EGFR: variants seen among roughly 807,000 people sequenced by gnomAD.
EGFR encodes the protein avian erythroblastic leukemia viral (v-erb-b) oncogene homolog.
EGFR carries 58 observed loss-of-function variants against 143.0 expected under a neutral mutation model. The observed-to-expected ratio is 0.41, with a 90% CI of 0.33 to 0.50. The LOEUF (loss-of-function observed/expected upper bound fraction) is 0.50, where lower values mean the gene tolerates loss of function less well. Among genes scored for constraint, EGFR ranks in the 20% least tolerant of loss-of-function variants. The pLI is 0.39. For missense variants in EGFR, 1,307 were observed against 1,579.0 expected, an observed-to-expected ratio of 0.83 and a Z score of 2.92; for synonymous variants, 613 against 594.4, an observed-to-expected ratio of 1.03 and a Z score of -0.45.
At chr7:55,170,258 C>A in intron 15 of EGFR, 1 of 1,613,558 alleles carries the variant, frequency 6.2e-7, no homozygotes, top group Non-Finnish European at 8.5e-7. Context: ...TACACCAGGG[C>A]TCCCCAGGCC....
intron 1 of EGFR, among the ~76,000 whole-genome samples, chr7:55,052,422 G>A (rs371105202): frequency 1.3e-5 from 2 of 152,178 alleles, no homozygotes; most frequent in Non-Finnish European, 2.9e-5. Context: ...CCACTTTAGA[G>A]CCCTTCTGTT....
At chr7:55,054,204 G>A (rs1299962599) in intron 1 of EGFR, among the ~76,000 whole-genome samples, 2 of 152,172 alleles carry the variant, frequency 1.3e-5, no homozygotes, top group African/African-American at 2.4e-5. Context: ...GGCACTGCAC[G>A]CTTCGCTCCC....
chr7:55,187,284 C>T (rs139733300), intron 20 of EGFR, among the ~76,000 whole-genome samples: 16 of 125,634 alleles, frequency 1.3e-4, no homozygotes, highest in Non-Finnish European at 2.7e-4. Context: ...AGCACCTACC[C>T]GGGACTCTCC....
At chr7:55,155,978 T>A (rs2128937677) in intron 8 of EGFR, 32 bp downstream of exon 8, 1 of 1,531,800 alleles carries the variant, frequency 6.5e-7, no homozygotes, top group Non-Finnish European at 9.0e-7. Context: ...GGACGAGGCT[T>A]GTTCTCGGCT....
intron 1 of EGFR, among the ~76,000 whole-genome samples, chr7:55,025,818 G>A (rs539447195): frequency 6.6e-6 from 1 of 152,308 alleles, no homozygotes; most frequent in East Asian, 1.9e-4. Flanking sequence ...ATTAGTTGCA[G>A]TTATCAGCAA....
At chr7:55,060,394 T>C (rs1210376100) in intron 1 of EGFR, among the ~76,000 whole-genome samples, 1 of 152,246 alleles carries the variant, frequency 6.6e-6, no homozygotes, top group Admixed American at 6.5e-5. Flanking sequence ...AATCGCTGGA[T>C]TCTTGTGGTA....
rs1281578598 is a variant in EGFR, at chr7:55,165,315, T to G, written c.1758T>G (p.Ile586Met). 1 of 1,614,164 alleles carries G rather than the reference T, an allele frequency of 6.2e-7. No homozygotes were observed. The highest frequency in any genetic ancestry group is 1.3e-5 in the African/African-American group (1 of 75,026). The change falls in exon 15 of 28, where the codon ATT (isoleucine) becomes ATG (methionine). Residue 586 changes from isoleucine (I) to methionine (M), a missense_variant. Physicochemically the swap from Ile to Met is conservative, Grantham distance 10. Around this residue, in one of 7 missense-constraint regions of EGFR, gnomAD observed 250 missense variants for 295.1 expected, o/e 0.85. Coordinates refer to ENST00000275493, the MANE Select transcript of EGFR (RefSeq NM_005228.5). Reference protein sequence around the residue: ...PDNCIQCAHYIDGPHCVKTCP... With the variant: ...PDNCIQCAHYMDGPHCVKTCP... Reference sequence around the variant, plus strand: ...ACTGTATCCAGTGTGCCCACTACATTGACGGCCCCCACTGCGTCAAGACCT... The same window carrying G: ...ACTGTATCCAGTGTGCCCACTACATGGACGGCCCCCACTGCGTCAAGACCT...
At chr7:55,184,726 G>T (rs933666140) in intron 20 of EGFR, among the ~76,000 whole-genome samples, 2 of 152,118 alleles carry the variant, frequency 1.3e-5, no homozygotes, top group African/African-American at 4.8e-5. Flanking sequence ...TTAACGCTTT[G>T]TCTCTGTTAG....
At chr7:55,184,110 T>C (rs1787021472) in intron 20 of EGFR, among the ~76,000 whole-genome samples, 1 of 152,252 alleles carries the variant, frequency 6.6e-6, no homozygotes, top group African/African-American at 2.4e-5. Context: ...TGCTGGCCTG[T>C]CTGCGCCTCG....
intron 1 of EGFR, among the ~76,000 whole-genome samples, chr7:55,099,523 G>C (rs1562713165): frequency 6.6e-6 from 1 of 152,218 alleles, no homozygotes; most frequent in Non-Finnish European, 1.5e-5. Context: ...AGATGGAGGG[G>C]GGAATTCGGG....
At chr7:55,076,690 C>T (rs761189338) in intron 1 of EGFR, among the ~76,000 whole-genome samples, 1 of 152,176 alleles carries the variant, frequency 6.6e-6, no homozygotes, top group Non-Finnish European at 1.5e-5. Flanking sequence ...CCCACCCCCA[C>T]TGAGGAATAC....
intron 1 of EGFR, among the ~76,000 whole-genome samples, chr7:55,134,979 C>T (rs1020828229): frequency 5.9e-5 from 9 of 152,156 alleles, no homozygotes; most frequent in Non-Finnish European, 8.8e-5. Flanking sequence ...TAGAGATCAT[C>T]CCATAATGGT....
chr7:55,069,166 T>C (rs2128882800), intron 1 of EGFR, among the ~76,000 whole-genome samples: 1 of 152,290 alleles, frequency 6.6e-6, no homozygotes, highest in African/African-American at 2.4e-5. Context: ...ACCTAGCAAA[T>C]GCTCTATGGT....
intron 1 of EGFR, among the ~76,000 whole-genome samples, chr7:55,043,650 C>T (rs1440676096): frequency 2.0e-5 from 3 of 152,158 alleles, no homozygotes; most frequent in Non-Finnish European, 2.9e-5. Context: ...AGGTGTGAGC[C>T]ACCGTGCCCA....
At position 55,132,048 on chromosome 7, in the gene EGFR, G is replaced by T. The variant is rs561032920; in HGVS notation, c.89-10238G>T. Among the ~76,000 whole-genome samples the T allele has an allele frequency of 2.6e-4, 39 of 151,346 alleles. No homozygotes were observed. In the South Asian group the frequency reaches 7.7e-3, roughly 30 times the overall value. On this transcript the variant is annotated intron_variant, in intron 1 of 27. Transcript: ENST00000275493. ...GTTGTCTTTTTTTTTTTGAAAGAGGGGCTTTTATGCTTTTTTCCTAATGTT... is the reference window on the plus strand; with the variant it reads ...GTTGTCTTTTTTTTTTTGAAAGAGGTGCTTTTATGCTTTTTTCCTAATGTT...
chr7:55,178,072 C>T (rs751722978), intron 19 of EGFR, among the ~76,000 whole-genome samples: 3 of 152,214 alleles, frequency 2.0e-5, no homozygotes, highest in Non-Finnish European at 4.4e-5. Flanking sequence ...CGCTCTGCTC[C>T]CCATTCCCAG....
intron 1 of EGFR, among the ~76,000 whole-genome samples, chr7:55,027,987 AAAAAATATATAT>A (rs1207560765): frequency 6.3e-5 from 5 of 79,132 alleles, no homozygotes; most frequent in African/African-American, 5.2e-5. Flanking sequence ...AAAAAAAAAA[AAAAAATATATAT>A]ATATATATAT....
chr7:55,144,318 G>A (rs1018018362), intron 3 of EGFR, among the ~76,000 whole-genome samples: 4 of 152,176 alleles, frequency 2.6e-5, no homozygotes, highest in African/African-American at 9.7e-5. Flanking sequence ...CTAAGCCGGG[G>A]ACTGGCTGTG....
chr7:55,168,897 C>G (rs1019506545), intron 15 of EGFR, among the ~76,000 whole-genome samples: 1 of 151,966 alleles, frequency 6.6e-6, no homozygotes, highest in Non-Finnish European at 1.5e-5. Context: ...TATATTGTCT[C>G]TCTCATTTCT....
Sources: allele counts gnomAD v4.1 joint callset (sites outside exome capture counted in the v4.1 genomes callset), GRCh38; gene constraint gnomAD v4.1.1; regional missense constraint gnomAD v4.1.1; transcripts MANE v1.5; gene names NCBI Gene and HGNC (gene_info 2026-07-23, HGNC 2026-07-21).